Variants in CEP170 observed in about 807,000 individuals in gnomAD.
The protein encoded by CEP170 is centrosomal protein of 170 kDa.
A neutral mutation model predicts 151.9 loss-of-function variants in CEP170; 21 were observed. The ratio of observed to expected loss-of-function variants is 0.14; its 90% CI spans 0.10 to 0.20. The LOEUF (loss-of-function observed/expected upper bound fraction) is 0.20, where lower values mean the gene tolerates loss of function less well. Among genes scored for constraint, CEP170 ranks in the 10% least tolerant of loss-of-function variants. CEP170 has a pLI of 1.00. For synonymous variants in CEP170, 356 were observed against 648.8 expected, an observed-to-expected ratio of 0.55 and a Z score of 6.86; for missense variants, 964 against 1,892.9, an observed-to-expected ratio of 0.51 and a Z score of 9.11.
chr1:243,213,279 C>T (rs1471243658), intron 3 of CEP170, among the ~76,000 whole-genome samples: 17 of 152,056 alleles, frequency 1.1e-4, no homozygotes. Flanking sequence ...AGTTATCTTA[C>T]TGCAGTGGCC....
chr1:243,125,985 A>G lies in CEP170; in HGVS notation c.*464T>C. 1 of 375,752 alleles carries G rather than the reference A, an allele frequency of 2.7e-6. No homozygotes were observed. The highest frequency in any genetic ancestry group is 5.1e-6 in the Non-Finnish European group (1 of 195,486). 23.3% of individuals were successfully genotyped at this position (375,752 alleles called of 1,614,324 possible). On this transcript the variant is annotated 3_prime_UTR_variant, in exon 20 of 20. Coordinates refer to ENST00000366542, the MANE Select transcript of CEP170 (RefSeq NM_014812.3). Reference sequence around the variant, plus strand: ...GTCATTGTGTCCAATGGTAATGAGTACTAATATAAATCCTATTATTAAGAA... The same window carrying G: ...GTCATTGTGTCCAATGGTAATGAGTGCTAATATAAATCCTATTATTAAGAA...
chr1:243,220,431 A>G (rs1259070916), intron 3 of CEP170, among the ~76,000 whole-genome samples: 2 of 152,180 alleles, frequency 1.3e-5, no homozygotes, highest in Non-Finnish European at 2.9e-5. Context: ...CTTGAATAAA[A>G]CCAACAGAGA....
chr1:243,126,071 G>A lies in CEP170; in HGVS notation c.*378C>T. 4.4e-6 allele frequency: 2 copies of A among 459,738 alleles called. No individual in the cohort carries two copies. The highest frequency in any genetic ancestry group is 6.9e-5 in the East Asian group (1 of 14,498). The allele number at this position is 459,738 out of a possible 1,614,324, so 28.5% of individuals were successfully genotyped here. A position where few individuals can be genotyped will look rare whatever the true frequency, so the allele number is the denominator to read the frequency against. On this transcript the variant is annotated 3_prime_UTR_variant, in exon 20 of 20. Transcript: ENST00000366542. ...AGAAGTCCATTTCAGGGAGCAGCTT[G>A]GCACAGGAGACTTAGGGGTTCAGAA...
intron 2 of CEP170, 69 bp downstream of exon 2, chr1:243,225,107 A>G (rs2063123025): frequency 3.7e-6 from 3 of 805,084 alleles, no homozygotes; most frequent in Non-Finnish European, 5.5e-6. Context: ...TTTCTAAAGG[A>G]GTAGAAAAAG....
intron 4 of CEP170, among the ~76,000 whole-genome samples, chr1:243,201,083 A>C (rs1284910875): frequency 3.3e-5 from 5 of 152,094 alleles, no homozygotes; most frequent in Non-Finnish European, 5.9e-5. Flanking sequence ...GAAGCAAACA[A>C]CTGGGTAATT....
chr1:243,163,181 G>T (rs373226953), intron 13 of CEP170: 20 of 150,864 alleles, frequency 1.3e-4, no homozygotes, highest in South Asian at 4.2e-4. Flanking sequence ...TCTTGTAGGA[G>T]ATGGTGTGGT....
rs1372022750 is a variant in CEP170 at position 243,161,477 on chromosome 1, A to C, written c.3676+2807T>G. Reference sequence around the variant, plus strand: ...TATCACATACATTTCTTTAAAAAAAACTTTTTTTTAATGGAGACAGGGTCT... The same window carrying C: ...TATCACATACATTTCTTTAAAAAAACCTTTTTTTTAATGGAGACAGGGTCT... On this transcript the variant is annotated intron_variant, in intron 13 of 19. Coordinates refer to ENST00000366542, the MANE Select transcript of CEP170 (RefSeq NM_014812.3). Among the ~76,000 whole-genome samples the C allele has an allele frequency of 3.3e-5, 5 of 152,022 alleles. No homozygotes were observed. The South Asian group carries it at 8.3e-4, about 25-fold the overall frequency.
At chr1:243,233,747 T>A (rs201637852) in intron 1 of CEP170, among the ~76,000 whole-genome samples, 70,813 of 123,030 alleles carry the variant, frequency 0.58, 20,198 homozygotes, top group East Asian at 0.66. Context: ...AAAAAATATA[T>A]ATATATATAT....
intron 11 of CEP170, among the ~76,000 whole-genome samples, chr1:243,170,439 TGAA>T (rs2058751233): frequency 6.6e-6 from 1 of 152,070 alleles, no homozygotes; most frequent in Non-Finnish European, 1.5e-5. Context: ...AGCTAAACAC[TGAA>T]GAAGTGAAGA....
intron 13 of CEP170, among the ~76,000 whole-genome samples, chr1:243,162,448 T>C (rs1243470924): frequency 2.0e-5 from 3 of 152,220 alleles, no homozygotes; most frequent in African/African-American, 7.2e-5. Context: ...CTAGTAAGTA[T>C]GAAAAGACTA....
chr1:243,129,753 A>T (rs1188075971), intron 17 of CEP170, among the ~76,000 whole-genome samples: 1 of 152,132 alleles, frequency 6.6e-6, no homozygotes, highest in Non-Finnish European at 1.5e-5. Flanking sequence ...TAATATTTAT[A>T]ATTTACAATA....
At chr1:243,225,127 T>G in intron 2 of CEP170, 49 bp downstream of exon 2, 3 of 1,130,092 alleles carry the variant, frequency 2.7e-6, no homozygotes, top group Non-Finnish European at 3.7e-6. Context: ...GATTTTACAC[T>G]AATTTCAAGT....
At chr1:243,152,023 C>G (rs988878170) in intron 14 of CEP170, among the ~76,000 whole-genome samples, 6 of 152,102 alleles carry the variant, frequency 3.9e-5, no homozygotes, top group Non-Finnish European at 7.3e-5. Flanking sequence ...GGCATATTTA[C>G]AGTGTGGTTT....
intron 10 of CEP170, among the ~76,000 whole-genome samples, chr1:243,176,475 C>T (rs537336128): frequency 0.012 from 317 of 26,416 alleles, 1 homozygote; most frequent in African/African-American, 0.022. Context: ...TCCCCCGATC[C>T]GAGTAGATAC....
At chr1:243,220,319 G>T (rs2062678112) in intron 3 of CEP170, among the ~76,000 whole-genome samples, 1 of 152,076 alleles carries the variant, frequency 6.6e-6, no homozygotes, top group South Asian at 2.1e-4. Context: ...ATGTAATGAT[G>T]GAGCATCAAT....
At position 243,209,971 on chromosome 1, in the gene CEP170, G is replaced by T. The variant is rs546070337; in HGVS notation, c.274+1915C>A. ...GCCTCCCCACGTGCTGGGATTACAG[G>T]CATGAGCCACCGTGGCTGGCTAACA... is the stretch of plus-strand genomic sequence containing the variant. On this transcript the variant is annotated intron_variant, in intron 4 of 19. Transcript: ENST00000366542. Among the ~76,000 whole-genome samples the T allele has an allele frequency of 4.6e-5, 7 of 152,278 alleles. No individual in the cohort carries two copies. The South Asian group carries it at 1.5e-3, about 32-fold the overall frequency.
intron 16 of CEP170, among the ~76,000 whole-genome samples, chr1:243,136,511 T>C (rs1402762368): frequency 6.6e-6 from 1 of 152,260 alleles, no homozygotes; most frequent in Non-Finnish European, 1.5e-5. Flanking sequence ...CCTCAGTTTA[T>C]CTTCAATTAA....
At chr1:243,166,943 T>C (rs1269287420) in intron 12 of CEP170, among the ~76,000 whole-genome samples, 2 of 152,114 alleles carry the variant, frequency 1.3e-5, no homozygotes, top group African/African-American at 4.8e-5. Context: ...TTATTAACTA[T>C]AGTCATAATG....
intron 11 of CEP170, among the ~76,000 whole-genome samples, chr1:243,170,655 G>A (rs1475060716): frequency 6.6e-6 from 1 of 151,844 alleles, no homozygotes; most frequent in Non-Finnish European, 1.5e-5. Flanking sequence ...TTAGCCGGGC[G>A]TGGTGGCATG....
Sources: gnomAD v4.1 joint callset for allele counts (sites outside exome capture counted in the v4.1 genomes callset) on GRCh38, gnomAD v4.1.1 for gene constraint, MANE v1.5 for transcripts, NCBI Gene and HGNC (gene_info 2026-07-23, HGNC 2026-07-21) for gene names.